Variants in PSMA5 observed in about 807,000 individuals in gnomAD.
PSMA5 encodes proteasome 20S subunit alpha 5, also known as proteasome subunit alpha type-5.
A neutral mutation model predicts 34.5 loss-of-function variants in PSMA5; 3 were observed. The observed-to-expected ratio is 0.09, with a 90% confidence interval of 0.04 to 0.22. The LOEUF is 0.22. PSMA5 is among the 10% of genes least tolerant of loss of function. PSMA5 has a pLI of 1.00. For missense variants in PSMA5, 120 were observed against 286.1 expected (o/e 0.42, Z 4.19); for synonymous variants, 88 against 95.8 (o/e 0.92, Z 0.47).
chr1:109,407,636 A>T (rs761584099), intron 8 of PSMA5, among the ~76,000 whole-genome samples: 26 of 151,834 alleles, frequency 1.7e-4, no homozygotes, highest in Admixed American at 8.5e-4. Context: ...TTGGCCTTTA[A>T]ATTTTATTTA....
At chr1:109,422,040 T>C in intron 1 of PSMA5, 114 bp from the exon 2 acceptor site, 1 of 596,166 alleles carries the variant, frequency 1.7e-6, no homozygotes, top group Non-Finnish European at 2.7e-6. Context: ...ACATTGTCAT[T>C]ATTCTCTACT....
intron 8 of PSMA5, among the ~76,000 whole-genome samples, chr1:109,407,922 G>T (rs1369401833): frequency 2.0e-5 from 3 of 152,090 alleles, no homozygotes; most frequent in Non-Finnish European, 4.4e-5. Context: ...TGGGATTACT[G>T]GCCTCAACTA....
Position 109,399,520 on chromosome 1 carries a change from T to C in PSMA5, c.*2493A>G, listed in dbSNP as rs1653410825. The stretch of plus-strand genomic sequence containing the variant: ...CACAAAGATGAATGGTCTATTGTCT[T>C]ACTGTCTGAAAAGAAAAAACAACTC... On this transcript the variant is annotated 3_prime_UTR_variant, in exon 9 of 9. Coordinates refer to ENST00000271308, the MANE Select transcript of PSMA5 (RefSeq NM_002790.4). 2 of 152,220 alleles carry C rather than the reference T, an allele frequency of 1.3e-5. No homozygotes were observed. Among genetic ancestry groups the C allele is most frequent in the Non-Finnish European group, 1.5e-5 (1 of 68,032 alleles). 9.4% of individuals were successfully genotyped at this position (152,220 alleles called of 1,614,324 possible).
At position 109,415,376 on chromosome 1, in the gene PSMA5, A is replaced by G. The variant is rs1654146800; in HGVS notation, c.97-13T>C. 3.1e-6 allele frequency: 5 copies of G among 1,610,460 alleles called. No homozygotes were observed. In the African/African-American group the frequency reaches 6.7e-5, roughly 22 times the overall value. ...CTGTAGAACCAAGCTAAAGAGAAAC[A>G]TGTTATGATTACCATATATAGGTCA... is the stretch of plus-strand genomic sequence containing the variant. On this transcript the variant is annotated splice_polypyrimidine_tract_variant and intron_variant, in intron 2 of 8. Coordinates refer to ENST00000271308, the MANE Select transcript of PSMA5 (RefSeq NM_002790.4).
chr1:109,403,321 A>G (rs1280491453), intron 8 of PSMA5, among the ~76,000 whole-genome samples: 1 of 151,950 alleles, frequency 6.6e-6, no homozygotes, highest in Non-Finnish European at 1.5e-5. Context: ...TTTTTTCTTC[A>G]ATTTTTAAAA....
At position 109,426,375 on chromosome 1, in the gene PSMA5, C is replaced by T. The variant is rs750278556; in HGVS notation, c.-45G>A. On this transcript the variant is annotated 5_prime_UTR_variant, in exon 1 of 9. Coordinates refer to ENST00000271308, the MANE Select transcript of PSMA5 (RefSeq NM_002790.4). ...AGCGGCTACGCGGGGATTCTGAGGA[C>T]CAACACGACTCCACCGGCACCCAAC... 6.2e-7 allele frequency: 1 copy of T among 1,611,124 alleles called. No homozygotes were observed.
chr1:109,411,125 C>G lies in PSMA5; in HGVS notation c.459-12G>C. The G allele has an allele frequency of 6.3e-7, 1 of 1,599,320 alleles. No homozygotes were observed. The highest frequency in any genetic ancestry group is 8.6e-7 in the Non-Finnish European group (1 of 1,168,862). ...GGTCCATATGAAACCTGCAAAACCC[C>G]CAAAATGAGGACTAAAATGCTCAGG... On this transcript the variant is annotated splice_polypyrimidine_tract_variant and intron_variant, in intron 6 of 8. Transcript: ENST00000271308.
At chr1:109,421,123 G>C (rs1654423785) in intron 2 of PSMA5, among the ~76,000 whole-genome samples, 1 of 152,032 alleles carries the variant, frequency 6.6e-6, no homozygotes, top group East Asian at 1.9e-4. Flanking sequence ...GGAGTTAGAA[G>C]CTGCAGTGAG....
intron 8 of PSMA5, among the ~76,000 whole-genome samples, chr1:109,406,835 G>A (rs1024479453): frequency 1.3e-5 from 2 of 152,112 alleles, no homozygotes; most frequent in African/African-American, 4.8e-5. Flanking sequence ...TTGTACATTT[G>A]TCAACATCCG....
chr1:109,426,278 C>A (rs756094747), intron 1 of PSMA5, 24 bp downstream of exon 1: 10 of 1,614,090 alleles, frequency 6.2e-6, no homozygotes, highest in Non-Finnish European at 8.5e-6. Context: ...TAATTCCCAC[C>A]CGACGTCCCC....
At chr1:109,425,444 C>G (rs1255152638) in intron 1 of PSMA5, 4 of 152,146 alleles carry the variant, frequency 2.6e-5, no homozygotes, top group African/African-American at 9.7e-5. Flanking sequence ...TCACACACAT[C>G]TTCTACGAGT....
chr1:109,419,811 A>C lies in PSMA5; in HGVS notation c.96+2049T>G, dbSNP rs11102980. ...GAGACTCCGTCTCAAAAAAAAAAAAAAAAAAAAAAAAAACAAGCCGCGCAT... is the reference window on the plus strand; with the variant it reads ...GAGACTCCGTCTCAAAAAAAAAAAACAAAAAAAAAAAAACAAGCCGCGCAT... On this transcript the variant is annotated intron_variant, in intron 2 of 8. Coordinates refer to ENST00000271308, the MANE Select transcript of PSMA5 (RefSeq NM_002790.4). Among the ~76,000 whole-genome samples, 63 of 142,202 alleles carry C rather than the reference A, an allele frequency of 4.4e-4. 2 individuals are homozygous for C. The highest frequency in any genetic ancestry group is 1.0e-3 in the East Asian group (5 of 4,934). 93.3% of individuals were successfully genotyped at this position (142,202 alleles called of 152,430 possible).
intron 3 of PSMA5, 26 bp downstream of exon 3, chr1:109,415,211 C>A: frequency 6.2e-7 from 1 of 1,606,646 alleles, no homozygotes; most frequent in Non-Finnish European, 8.5e-7. Context: ...CCAGATCCTA[C>A]AGAACAGCTT....
At chr1:109,423,587 G>A (rs1340993998) in intron 1 of PSMA5, among the ~76,000 whole-genome samples, 1 of 152,118 alleles carries the variant, frequency 6.6e-6, no homozygotes, top group African/African-American at 2.4e-5. Flanking sequence ...TTGCAAAATT[G>A]ACTTCATCTC....
At chr1:109,417,589 C>A (rs757125861) in intron 2 of PSMA5, among the ~76,000 whole-genome samples, 3 of 152,154 alleles carry the variant, frequency 2.0e-5, no homozygotes, top group African/African-American at 2.4e-5. Flanking sequence ...ATTGGGGACA[C>A]CAAGCACAGT....
chr1:109,407,132 C>T (rs967674269), intron 8 of PSMA5, among the ~76,000 whole-genome samples: 1 of 152,090 alleles, frequency 6.6e-6, no homozygotes, highest in African/African-American at 2.4e-5. Context: ...ACTATAGGCG[C>T]CCGCCACCAT....
At chr1:109,408,461 A>C (rs370938548) in intron 8 of PSMA5, among the ~76,000 whole-genome samples, 15 of 152,238 alleles carry the variant, frequency 9.9e-5, no homozygotes, top group African/African-American at 3.6e-4. Context: ...GTATCACCCC[A>C]GGTTCTTATT....
intron 8 of PSMA5, among the ~76,000 whole-genome samples, chr1:109,409,168 T>C (rs1653900564): frequency 6.6e-6 from 1 of 152,226 alleles, no homozygotes. Flanking sequence ...CTTTTTATTT[T>C]ATTTTTGAGA....
intron 2 of PSMA5, among the ~76,000 whole-genome samples, chr1:109,420,280 TCAG>T (rs1157436667): frequency 6.6e-6 from 1 of 152,124 alleles, no homozygotes; most frequent in Non-Finnish European, 1.5e-5. Flanking sequence ...TATCCCCACC[TCAG>T]AAGACAATTG....
Sources: allele counts gnomAD v4.1 joint callset (sites outside exome capture counted in the v4.1 genomes callset), GRCh38; gene constraint gnomAD v4.1.1; transcripts MANE v1.5; gene names NCBI Gene and HGNC (gene_info 2026-07-23, HGNC 2026-07-21).